The following SPDYE1 variants were observed in gnomAD, a reference collection of about 807,000 sequenced individuals.
SPDYE1 encodes the protein speedy/RINGO cell cycle regulator family member E1.
Under a neutral mutation model 45.9 loss-of-function variants are expected in SPDYE1, and 29 were observed. The observed-to-expected ratio is 0.63, with a 90% confidence interval of 0.47 to 0.86. The LOEUF (loss-of-function observed/expected upper bound fraction) is 0.86. Ranked by LOEUF, SPDYE1 falls within the 40% of genes least tolerant of loss-of-function variation. SPDYE1 has a pLI of 0.00. For missense variants in SPDYE1, 346 were observed against 481.4 expected (o/e 0.72, Z 2.63); for synonymous variants, 134 against 176.8 (o/e 0.76, Z 1.92).
Position 44,007,280 on chromosome 7 carries a change from T to G in SPDYE1, c.765T>G (p.Asn255Lys). Residue 255 changes from asparagine to lysine, a missense_variant, in exon 7 of 9, where the codon AAT (asparagine) becomes AAG (lysine). Coordinates refer to ENST00000693451, the MANE Select transcript of SPDYE1 (RefSeq NM_001378423.2). ...TTCCTGTCCTCAGCTACCTGGCCAA[T>G]GACATGGAGGAGGACGACGAGGACT... The part of the protein sequence containing the change: ...LHFFLALYLA[N>K]DMEEDDEDSK... 1 of 1,612,616 alleles carries G rather than the reference T, an allele frequency of 6.2e-7. No individual in the cohort carries two copies. The highest frequency in any genetic ancestry group is 8.5e-7 in the Non-Finnish European group (1 of 1,179,974).
chr7:44,002,266 C>A (rs1164420999), intron 3 of SPDYE1, among the ~76,000 whole-genome samples: 1 of 145,718 alleles, frequency 6.9e-6, no homozygotes, highest in Non-Finnish European at 1.5e-5. Flanking sequence ...CAAGATCGCA[C>A]CACTACACTC....
chr7:44,001,862 C>G (rs1383072803), intron 3 of SPDYE1, among the ~76,000 whole-genome samples: 1 of 151,804 alleles, frequency 6.6e-6, no homozygotes, highest in East Asian at 1.9e-4. Flanking sequence ...ATCGCTTGAA[C>G]CCAGGTGGAA....
chr7:44,002,566 C>T (rs1293275306), intron 3 of SPDYE1, 24 bp from the exon 4 acceptor site: 1 of 1,565,536 alleles, frequency 6.4e-7, no homozygotes, highest in African/African-American at 1.4e-5. Flanking sequence ...AAGCATTACA[C>T]CGTGGCCTGG....
chr7:44,004,025 CTTTTTTTTTTTTT>C, intron 5 of SPDYE1, 114 bp downstream of exon 5: 2 of 480,316 alleles, frequency 4.2e-6, no homozygotes, highest in East Asian at 4.6e-5. Context: ...CTCCTACAGT[CTTTTTTTTTTTTT>C]TTTTTTTGTG....
intron 2 of SPDYE1, among the ~76,000 whole-genome samples, chr7:44,000,517 T>G (rs2128775847): frequency 2.0e-5 from 3 of 149,036 alleles, no homozygotes; most frequent in Admixed American, 2.0e-4. Context: ...TCAGGCTGGG[T>G]GCGGTGGCTC....
At position 44,010,024 on chromosome 7, in the gene SPDYE1, G is replaced by A. The variant is rs1275894988; in HGVS notation, c.*1403G>A. 6.6e-6 allele frequency: 1 copy of A among 152,154 alleles called. No individual in the cohort carries two copies. The highest frequency in any genetic ancestry group is 1.9e-4 in the East Asian group (1 of 5,200). The allele number at this position is 152,154 out of a possible 1,614,324, so 9.4% of individuals were successfully genotyped here. On this transcript the variant is annotated 3_prime_UTR_variant, in exon 9 of 9. Transcript: ENST00000693451. Reference sequence around the variant, plus strand: ...CATGTTTGTATGTTACTTTAAAGAGGATGTGTGTTCTAAAGGAGGACATGA... The same window carrying A: ...CATGTTTGTATGTTACTTTAAAGAGAATGTGTGTTCTAAAGGAGGACATGA...
Position 44,008,004 on chromosome 7 carries a change from G to A in SPDYE1, c.*45+191G>A, listed in dbSNP as rs553962118. 15 of 1,441,404 alleles carry A rather than the reference G, an allele frequency of 1.0e-5. No individual in the cohort carries two copies. In the South Asian group the frequency reaches 1.8e-4, roughly 17 times the overall value. 89.3% of individuals were successfully genotyped at this position (1,441,404 alleles called of 1,614,324 possible). A position where few individuals can be genotyped will look rare whatever the true frequency, so the allele number is the denominator to read the frequency against. ...AACTACTCAGGAGGCCGAGGCGGGA[G>A]GATTGCTGGAGCCTGGAAGGTCGGG... is the stretch of plus-strand genomic sequence containing the variant. On this transcript the variant is annotated intron_variant, in intron 8 of 8. Coordinates refer to ENST00000693451, the MANE Select transcript of SPDYE1 (RefSeq NM_001378423.2).
intron 4 of SPDYE1, 92 bp from the exon 5 acceptor site, chr7:44,003,760 TC>T (rs2096067299): frequency 2.3e-5 from 22 of 961,576 alleles, no homozygotes; most frequent in South Asian, 4.0e-5. Context: ...TCCTGAGACT[TC>T]CCCCCGGGAG....
intron 3 of SPDYE1, 96 bp from the exon 4 acceptor site, chr7:44,002,494 G>T: frequency 7.2e-7 from 1 of 1,395,394 alleles, no homozygotes; most frequent in Non-Finnish European, 9.8e-7. Flanking sequence ...CAGTCTGCGA[G>T]GCTGGGGAGG....
intron 3 of SPDYE1, among the ~76,000 whole-genome samples, 180 bp downstream of exon 3, chr7:44,001,464 A>G (rs2096062910): frequency 1.3e-5 from 2 of 152,138 alleles, no homozygotes; most frequent in Admixed American, 1.3e-4. Context: ...ACTAGGCTAG[A>G]CTTGATAAAG....
chr7:43,999,342 C>A (rs2096059496), intron 1 of SPDYE1, among the ~76,000 whole-genome samples, 186 bp from the exon 2 acceptor site: 2 of 152,232 alleles, frequency 1.3e-5, no homozygotes, highest in South Asian at 4.1e-4. Flanking sequence ...CAGAAAAGCT[C>A]TGCCAAACTG....
In SPDYE1 at chr7:44,007,798, A is replaced by G; in HGVS notation, c.*30A>G. 1.9e-6 allele frequency: 3 copies of G among 1,607,910 alleles called. No individual in the cohort carries two copies. The South Asian group carries it at 3.3e-5, about 18-fold the overall frequency. ...CCAGGGACCGTGGAGGCCTGAGGTC[A>G]TCGGCCTGAGAGAAGGTACATCTGC... is the stretch of plus-strand genomic sequence containing the variant. On this transcript the variant is annotated 3_prime_UTR_variant, in exon 8 of 9. Coordinates refer to ENST00000693451, the MANE Select transcript of SPDYE1 (RefSeq NM_001378423.2).
chr7:44,004,119 G>A (rs563900919), intron 5 of SPDYE1: 14 of 895,656 alleles, frequency 1.6e-5, no homozygotes, highest in South Asian at 1.7e-5. Context: ...CACTGCAGCC[G>A]ATGCCTCCTG....
chr7:44,007,989 G>A lies in SPDYE1; in HGVS notation c.*45+176G>A, dbSNP rs1344248934. On this transcript the variant is annotated intron_variant, in intron 8 of 8. Transcript: ENST00000693451. ...CGCATCTCTACTCCCAACTACTCAG[G>A]AGGCCGAGGCGGGAGGATTGCTGGA... The A allele has an allele frequency of 1.2e-5, 17 of 1,463,402 alleles. No homozygotes were observed. The East Asian group carries it at 4.0e-4, about 34-fold the overall frequency. 90.7% of individuals were successfully genotyped at this position (1,463,402 alleles called of 1,614,324 possible).
At chr7:44,007,977 C>T in intron 8 of SPDYE1, 164 bp downstream of exon 8, 1 of 1,484,908 alleles carries the variant, frequency 6.7e-7, no homozygotes, top group Non-Finnish European at 9.0e-7. Context: ...ATCTCTACTC[C>T]CAACTACTCA....
chr7:44,009,984 T>G lies in SPDYE1; in HGVS notation c.*1363T>G, dbSNP rs1370813966. On this transcript the variant is annotated 3_prime_UTR_variant, in exon 9 of 9. Transcript: ENST00000693451. Reference sequence around the variant, plus strand: ...AAATGTGAGAATTCAGATGTAATTTTTTACCTTGATTTGGCATGTTTGTAT... The same window carrying G: ...AAATGTGAGAATTCAGATGTAATTTGTTACCTTGATTTGGCATGTTTGTAT... The G allele has an allele frequency of 1.3e-5, 2 of 152,232 alleles. No individual in the cohort carries two copies. Among genetic ancestry groups the G allele is most frequent in the South Asian group, 4.1e-4 (2 of 4,834 alleles). 9.4% of individuals were successfully genotyped at this position (152,232 alleles called of 1,614,324 possible). A position where few individuals can be genotyped will look rare whatever the true frequency, so the allele number is the denominator to read the frequency against.
In SPDYE1 at chr7:44,009,001, T is replaced by C. The variant is rs1003650387; in HGVS notation, c.*380T>C. 3.9e-5 allele frequency: 16 copies of C among 408,408 alleles called. 1 individual carries two copies. Among genetic ancestry groups the C allele is most frequent in the African/African-American group, 1.2e-4 (6 of 48,404 alleles). 25.3% of individuals were successfully genotyped at this position (408,408 alleles called of 1,614,324 possible). ...GAGGTCCTGTTTCTTACGGACTTGG[T>C]TGCCACAGTCCAGGAGCATTTGAAG... is the stretch of plus-strand genomic sequence containing the variant. On this transcript the variant is annotated 3_prime_UTR_variant, in exon 9 of 9. Transcript: ENST00000693451.
At chr7:44,005,546 T>C (rs1270768943) in intron 6 of SPDYE1, among the ~76,000 whole-genome samples, 2 of 151,794 alleles carry the variant, frequency 1.3e-5, no homozygotes, top group Non-Finnish European at 2.9e-5. Flanking sequence ...GGCGTGGTGG[T>C]GTGCATCTGT....
intron 5 of SPDYE1, chr7:44,004,191 C>A: frequency 1.8e-6 from 1 of 541,046 alleles, no homozygotes. Flanking sequence ...TGAACCACCA[C>A]GCCTGGCTAA....
Sources: allele counts gnomAD v4.1 joint callset (sites outside exome capture counted in the v4.1 genomes callset), GRCh38; gene constraint gnomAD v4.1.1; transcripts MANE v1.5; gene names NCBI Gene and HGNC (gene_info 2026-07-23, HGNC 2026-07-21).